CSMD1: variants seen among roughly 807,000 people sequenced by gnomAD.
CSMD1 encodes the protein CUB and Sushi multiple domains 1, also known as CUB and sushi domain-containing protein 1.
A neutral mutation model predicts 417.5 loss-of-function variants in CSMD1; 213 were observed. The observed-to-expected ratio is 0.51, with a 90% CI of 0.46 to 0.57. The LOEUF (loss-of-function observed/expected upper bound fraction) is 0.57. Ranked by LOEUF, CSMD1 falls within the 20% of genes least tolerant of loss-of-function variation. The pLI is 0.00. For missense variants in CSMD1, 6,923 were observed against 4,529.7 expected (o/e 1.53, Z -15.17); for synonymous variants, 2,862 against 1,736.8 (o/e 1.65, Z -16.11).
intron 4 of CSMD1, among the ~76,000 whole-genome samples, chr8:4,024,834 C>T (rs573573105): frequency 2.0e-5 from 3 of 152,310 alleles, no homozygotes; most frequent in East Asian, 1.9e-4. Flanking sequence ...GGGATCTAAG[C>T]TCTGCAATGC....
At chr8:3,043,993 G>A (rs150178850) in intron 50 of CSMD1, among the ~76,000 whole-genome samples, 1 of 152,220 alleles carries the variant, frequency 6.6e-6, no homozygotes, top group Non-Finnish European at 1.5e-5. Flanking sequence ...GCAGCTTAAT[G>A]TCTACTTCAG....
chr8:4,414,876 C>T (rs1554468235), intron 3 of CSMD1, among the ~76,000 whole-genome samples: 2 of 152,110 alleles, frequency 1.3e-5, no homozygotes, highest in Non-Finnish European at 1.5e-5. Flanking sequence ...ATATGAGGTG[C>T]CATCTACTGG....
intron 1 of CSMD1, among the ~76,000 whole-genome samples, chr8:4,690,620 G>A (rs566968564): frequency 4.6e-5 from 7 of 152,304 alleles, no homozygotes; most frequent in African/African-American, 1.7e-4. Context: ...TCAGTCATGT[G>A]AATACAGTTA....
chr8:3,946,902 T>C (rs1337643652), intron 5 of CSMD1, among the ~76,000 whole-genome samples: 1 of 152,208 alleles, frequency 6.6e-6, no homozygotes, highest in Non-Finnish European at 1.5e-5. Context: ...TCTCAAACCA[T>C]GCAACAGTGC....
At chr8:4,219,842 T>C (rs982758436) in intron 3 of CSMD1, among the ~76,000 whole-genome samples, 9 of 152,222 alleles carry the variant, frequency 5.9e-5, no homozygotes, top group African/African-American at 2.2e-4. Context: ...GTTACTTTTA[T>C]TGTAGTGGGG....
intron 12 of CSMD1, among the ~76,000 whole-genome samples, chr8:3,435,067 C>G (rs1200492027): frequency 6.6e-6 from 1 of 152,042 alleles, no homozygotes; most frequent in Non-Finnish European, 1.5e-5. Context: ...CTGGTGGGAG[C>G]TGCTACCTTT....
chr8:4,828,072 T>C (rs866596083), intron 1 of CSMD1, among the ~76,000 whole-genome samples: 2 of 151,990 alleles, frequency 1.3e-5, no homozygotes, highest in Admixed American at 1.3e-4. Context: ...TTTACATGAG[T>C]CCAATATTCT....
intron 1 of CSMD1, among the ~76,000 whole-genome samples, chr8:4,982,745 T>C (rs991710991): frequency 1.3e-5 from 2 of 152,212 alleles, no homozygotes; most frequent in African/African-American, 2.4e-5. Flanking sequence ...CTAGGAGATA[T>C]AGATCATACC....
chr8:4,689,132 A>G (rs960566539), intron 1 of CSMD1, among the ~76,000 whole-genome samples: 2 of 152,224 alleles, frequency 1.3e-5, no homozygotes, highest in African/African-American at 2.4e-5. Flanking sequence ...TAGTGATCAT[A>G]TAATGCCTGA....
chr8:4,627,004 C>T (rs1248903483), intron 2 of CSMD1, among the ~76,000 whole-genome samples: 1 of 152,102 alleles, frequency 6.6e-6, no homozygotes, highest in African/African-American at 2.4e-5. Context: ...CAAGTAATTG[C>T]TTCATACTCT....
chr8:3,046,027 G>A (rs1374601573), intron 50 of CSMD1, among the ~76,000 whole-genome samples: 2 of 152,094 alleles, frequency 1.3e-5, no homozygotes, highest in African/African-American at 4.8e-5. Context: ...CTCCAAGTCG[G>A]CCTCTTTATC....
At chr8:3,494,061 G>C (rs569020069) in intron 10 of CSMD1, among the ~76,000 whole-genome samples, 2 of 152,236 alleles carry the variant, frequency 1.3e-5, no homozygotes, top group African/African-American at 4.8e-5. Context: ...ATTAGCAAAA[G>C]AAATGTTGGT....
chr8:4,804,112 C>A (rs116546621), intron 1 of CSMD1, among the ~76,000 whole-genome samples: 1 of 152,162 alleles, frequency 6.6e-6, no homozygotes, highest in Non-Finnish European at 1.5e-5. Flanking sequence ...ATTATTTCCA[C>A]AATAACGAGA....
At chr8:3,972,558 A>T (rs17068296) in intron 5 of CSMD1, among the ~76,000 whole-genome samples, 2 of 152,208 alleles carry the variant, frequency 1.3e-5, no homozygotes, top group African/African-American at 4.8e-5. Flanking sequence ...CATATTGCTC[A>T]CAGGGCCTCT....
At chr8:3,167,838 T>G (rs1376111108) in intron 37 of CSMD1, among the ~76,000 whole-genome samples, 1 of 152,190 alleles carries the variant, frequency 6.6e-6, no homozygotes, top group Non-Finnish European at 1.5e-5. Flanking sequence ...TTGTAGCCAT[T>G]TTTCTAAATC....
chr8:4,362,421 G>A lies in CSMD1; in HGVS notation c.415+57532C>T, dbSNP rs145258922. Among the ~76,000 whole-genome samples, 595 of 152,268 alleles carry A rather than the reference G, an allele frequency of 3.9e-3. 11 individuals carry two copies. Among genetic ancestry groups the A allele is most frequent in the Admixed American group, 0.03 (457 of 15,298 alleles). ...GAGTCTCAGGTCCGAGGGATTAGAT[G>A]TAACTTTGGACAAGAAGAGTTTTGT... On this transcript the variant is annotated intron_variant, in intron 3 of 69. Coordinates refer to ENST00000635120, the MANE Select transcript of CSMD1 (RefSeq NM_033225.6).
At chr8:3,551,901 T>C (rs1798931748) in intron 10 of CSMD1, among the ~76,000 whole-genome samples, 2 of 152,088 alleles carry the variant, frequency 1.3e-5, no homozygotes, top group South Asian at 2.1e-4. Flanking sequence ...GTGTGGCATG[T>C]GGTACCTGTG....
At chr8:3,717,000 A>C (rs2129043112) in intron 6 of CSMD1, among the ~76,000 whole-genome samples, 1 of 152,300 alleles carries the variant, frequency 6.6e-6, no homozygotes, top group South Asian at 2.1e-4. Context: ...TGAGGTACAA[A>C]GAACTTAAAA....
chr8:4,623,254 C>T (rs568604386), intron 2 of CSMD1, among the ~76,000 whole-genome samples: 69 of 152,218 alleles, frequency 4.5e-4, no homozygotes, highest in African/African-American at 1.5e-3. Context: ...TATTATTGGT[C>T]ATCAGGGAAA....
Sources: allele counts gnomAD v4.1 joint callset (sites outside exome capture counted in the v4.1 genomes callset), GRCh38; gene constraint gnomAD v4.1.1; transcripts MANE v1.5; gene names NCBI Gene and HGNC (gene_info 2026-07-23, HGNC 2026-07-21).